The following FGD6 variants were observed in gnomAD, a reference collection of about 807,000 sequenced individuals.
FGD6 encodes FYVE, RhoGEF and PH domain containing 6.
Under a neutral mutation model 149.4 loss-of-function variants are expected in FGD6, and 90 were observed. That is an observed-to-expected ratio of 0.60 (90% confidence interval 0.51 to 0.72). The LOEUF (loss-of-function observed/expected upper bound fraction) is 0.72, where lower values mean the gene tolerates loss of function less well. Among genes scored for constraint, FGD6 ranks in the 30% least tolerant of loss-of-function variants. The pLI, the probability that FGD6 is intolerant of heterozygous loss-of-function variation, is 0.00. For synonymous variants in FGD6, 527 were observed against 584.0 expected, an observed-to-expected ratio of 0.90 and a Z score of 1.41; for missense variants, 1,437 against 1,684.8, an observed-to-expected ratio of 0.85 and a Z score of 2.57.
intron 14 of FGD6, among the ~76,000 whole-genome samples, chr12:95,102,421 G>C (rs1456958672): frequency 5.9e-5 from 8 of 135,346 alleles, no homozygotes; most frequent in African/African-American, 2.3e-4. Flanking sequence ...TCCAGCCTGG[G>C]TGACAGAGCG....
chr12:95,084,857 C>T (rs1457588025), intron 19 of FGD6, among the ~76,000 whole-genome samples: 2 of 152,224 alleles, frequency 1.3e-5, no homozygotes, highest in African/African-American at 2.4e-5. Context: ...CACTGTGGCA[C>T]ACAATTTCTG....
At chr12:95,166,433 G>A (rs745956934) in intron 3 of FGD6, among the ~76,000 whole-genome samples, 1 of 152,152 alleles carries the variant, frequency 6.6e-6, no homozygotes, top group Non-Finnish European at 1.5e-5. Flanking sequence ...TTCAGGCCAG[G>A]TGCAGTGGCC....
At chr12:95,091,968 T>C (rs1878069782) in intron 16 of FGD6, among the ~76,000 whole-genome samples, 159 bp from the exon 17 acceptor site, 2 of 152,200 alleles carry the variant, frequency 1.3e-5, no homozygotes, top group African/African-American at 2.4e-5. Context: ...AGTTCAGGCA[T>C]ATAGTGAACT....
chr12:95,207,704 G>C (rs1228804267), intron 2 of FGD6, among the ~76,000 whole-genome samples: 2 of 152,134 alleles, frequency 1.3e-5, no homozygotes, highest in Non-Finnish European at 2.9e-5. Context: ...GAGATGACTA[G>C]AACTCTTCAT....
In FGD6 at chr12:95,162,994, C is replaced by T. The variant is rs372918088; in HGVS notation, c.2586+9606G>A. 3.9e-5 allele frequency among the ~76,000 whole-genome samples: 6 copies of T among 152,294 alleles called. No homozygotes were observed. In the East Asian group the frequency reaches 1.2e-3, roughly 29 times the overall value. On this transcript the variant is annotated intron_variant, in intron 3 of 20. Transcript: ENST00000343958. ...GCTCTGTGTTTACCCCACTGCAACCCCTTCTGTACACTGCCACTAGAATAT... is the reference window on the plus strand; with the variant it reads ...GCTCTGTGTTTACCCCACTGCAACCTCTTCTGTACACTGCCACTAGAATAT...
chr12:95,206,508 G>A (rs1204658768), intron 2 of FGD6, among the ~76,000 whole-genome samples: 2 of 151,834 alleles, frequency 1.3e-5, no homozygotes, highest in African/African-American at 2.4e-5. Flanking sequence ...AATACAGGGA[G>A]ACCCTATCTC....
chr12:95,174,995 G>C (rs796989053), intron 2 of FGD6, among the ~76,000 whole-genome samples: 1 of 150,614 alleles, frequency 6.6e-6, no homozygotes, highest in Non-Finnish European at 1.5e-5. Context: ...GGTGTTTCTT[G>C]GTCAAACATC....
intron 14 of FGD6, among the ~76,000 whole-genome samples, chr12:95,101,891 C>A (rs1878450110): frequency 6.6e-6 from 1 of 151,774 alleles, no homozygotes; most frequent in East Asian, 2.0e-4. Flanking sequence ...CCACGTTGGC[C>A]AGGATGGTCT....
At chr12:95,138,375 C>T (rs1006681437) in intron 6 of FGD6, among the ~76,000 whole-genome samples, 2 of 151,826 alleles carry the variant, frequency 1.3e-5, no homozygotes, top group Non-Finnish European at 2.9e-5. Context: ...AAAACCCTGC[C>T]TCTACTAAAA....
At chr12:95,190,208 C>T (rs1443667889) in intron 2 of FGD6, among the ~76,000 whole-genome samples, 3 of 152,272 alleles carry the variant, frequency 2.0e-5, no homozygotes, top group South Asian at 2.1e-4. Flanking sequence ...CTTGCTCTGT[C>T]GCTCAGGCTG....
intron 8 of FGD6, among the ~76,000 whole-genome samples, chr12:95,124,343 G>A (rs538253160): frequency 4.4e-4 from 67 of 152,290 alleles, no homozygotes; most frequent in African/African-American, 1.6e-3. Context: ...TATTTGGTCT[G>A]TACCACCCTG....
chr12:95,181,721 A>T (rs146211066), intron 2 of FGD6, among the ~76,000 whole-genome samples: 27 of 152,320 alleles, frequency 1.8e-4, no homozygotes, highest in African/African-American at 6.3e-4. Flanking sequence ...TGGGAGGCTG[A>T]GGCAGGCAGA....
chr12:95,134,739 C>T lies in FGD6; in HGVS notation c.3082G>A (p.Asp1028Asn). The T allele has an allele frequency of 6.2e-7, 1 of 1,613,438 alleles. No individual in the cohort carries two copies. The highest frequency in any genetic ancestry group is 8.5e-7 in the Non-Finnish European group (1 of 1,179,776). Residue 1028 changes from aspartate (D) to asparagine (N), a missense_variant and splice_region_variant, in exon 8 of 21, where the codon GAT (aspartate) becomes AAT (asparagine). Asp to Asn is a conservative substitution (Grantham distance 23, BLOSUM62 1). Around this residue, in one of 2 missense-constraint regions of FGD6, gnomAD observed 382 missense variants for 538.7 expected, o/e 0.71. Transcript: ENST00000343958. ...RIPQYRLLLT[D>N]YLKNLIEDAG... ...TTGGCAAAATGCTGGAGAAGCCCACCTGTCAGCAACAGCCTGTACTGGGGG... is the reference window on the plus strand; with the variant it reads ...TTGGCAAAATGCTGGAGAAGCCCACTTGTCAGCAACAGCCTGTACTGGGGG...
At chr12:95,179,750 C>A (rs1881226786) in intron 2 of FGD6, among the ~76,000 whole-genome samples, 2 of 151,726 alleles carry the variant, frequency 1.3e-5, no homozygotes, top group Admixed American at 6.6e-5. Context: ...TAAAAAAAGA[C>A]CGGTTAAATA....
At chr12:95,133,672 T>C (rs887675005) in intron 8 of FGD6, among the ~76,000 whole-genome samples, 1 of 152,222 alleles carries the variant, frequency 6.6e-6, no homozygotes, top group Non-Finnish European at 1.5e-5. Context: ...CTTGTCCATT[T>C]TGATACAATT....
chr12:95,107,101 C>G, intron 12 of FGD6, 64 bp from the exon 13 acceptor site: 2 of 1,152,596 alleles, frequency 1.7e-6, no homozygotes, highest in Non-Finnish European at 2.6e-6. Context: ...AAGATTTTGA[C>G]AAGATACAAG....
intron 2 of FGD6, among the ~76,000 whole-genome samples, chr12:95,192,462 C>T (rs1881618793): frequency 6.6e-6 from 1 of 152,072 alleles, no homozygotes; most frequent in Non-Finnish European, 1.5e-5. Context: ...GGAGTGGAGG[C>T]ACAATGTACA....
At chr12:95,173,723 G>T (rs1025337279) in intron 2 of FGD6, among the ~76,000 whole-genome samples, 1 of 152,026 alleles carries the variant, frequency 6.6e-6, no homozygotes, top group East Asian at 1.9e-4. Flanking sequence ...GAATAGAAGA[G>T]TATAGGTGGG....
At chr12:95,194,276 C>T (rs985948012) in intron 2 of FGD6, among the ~76,000 whole-genome samples, 1 of 151,994 alleles carries the variant, frequency 6.6e-6, no homozygotes, top group Non-Finnish European at 1.5e-5. Flanking sequence ...ACTCTTGTTG[C>T]CCAGGCTGGA....
Sources: gnomAD v4.1 joint callset for allele counts (sites outside exome capture counted in the v4.1 genomes callset) on GRCh38, gnomAD v4.1.1 for gene constraint, gnomAD v4.1.1 regional missense constraint, MANE v1.5 for transcripts, NCBI Gene and HGNC (gene_info 2026-07-23, HGNC 2026-07-21) for gene names.